The following LUZP2 variants were observed in gnomAD, a reference collection of about 807,000 sequenced individuals.
LUZP2 encodes leucine zipper protein 2.
Under a neutral mutation model 51.6 loss-of-function variants are expected in LUZP2, and 52 were observed. That is an observed-to-expected ratio of 1.01 (90% CI 0.81 to 1.27). The LOEUF (loss-of-function observed/expected upper bound fraction) is 1.27, where lower values mean the gene tolerates loss of function less well. LUZP2 is among the 50% of genes most tolerant of loss of function. The pLI is 0.00. For missense variants in LUZP2, 436 were observed against 395.4 expected (o/e 1.10, Z -0.87); for synonymous variants, 154 against 137.3 (o/e 1.12, Z -0.85).
intron 9 of LUZP2, among the ~76,000 whole-genome samples, chr11:25,033,302 C>CA (rs2133994509): frequency 6.6e-6 from 1 of 152,232 alleles, no homozygotes; most frequent in East Asian, 1.9e-4. Flanking sequence ...ATTCGCAGTC[C>CA]AGCTAGGTGC....
intron 1 of LUZP2, among the ~76,000 whole-genome samples, chr11:24,588,033 G>C (rs566284864): frequency 6.6e-6 from 1 of 152,072 alleles, no homozygotes; most frequent in South Asian, 2.1e-4. Flanking sequence ...CTTGAGTATG[G>C]GAAGATAGAA....
chr11:24,772,490 AT>A (rs1012374412), intron 5 of LUZP2, among the ~76,000 whole-genome samples: 1 of 152,120 alleles, frequency 6.6e-6, no homozygotes, highest in Non-Finnish European at 1.5e-5. Context: ...ATATTTAATT[AT>A]AACTTTCTTT....
chr11:25,034,688 C>T (rs562071736), intron 9 of LUZP2, among the ~76,000 whole-genome samples: 1 of 152,238 alleles, frequency 6.6e-6, no homozygotes, highest in South Asian at 2.1e-4. Context: ...GTCCTTCCCC[C>T]ATTGAAAGTT....
intron 5 of LUZP2, among the ~76,000 whole-genome samples, chr11:24,900,238 G>A (rs185287693): frequency 1.1e-4 from 16 of 152,232 alleles, no homozygotes; most frequent in African/African-American, 2.9e-4. Flanking sequence ...AGCTTTATAA[G>A]GTTGGTCTAA....
chr11:24,755,990 G>A (rs572306206), intron 4 of LUZP2, among the ~76,000 whole-genome samples: 2 of 152,148 alleles, frequency 1.3e-5, no homozygotes, highest in East Asian at 3.9e-4. Flanking sequence ...GATAAGAGAC[G>A]TTTGCCATCT....
intron 4 of LUZP2, among the ~76,000 whole-genome samples, chr11:24,743,967 G>A (rs970274991): frequency 6.6e-6 from 1 of 152,084 alleles, no homozygotes; most frequent in Non-Finnish European, 1.5e-5. Context: ...CATCTGTTGA[G>A]ACGATCATGG....
At chr11:24,787,776 T>G (rs1407651922) in intron 5 of LUZP2, among the ~76,000 whole-genome samples, 1 of 152,180 alleles carries the variant, frequency 6.6e-6, no homozygotes, top group East Asian at 1.9e-4. Flanking sequence ...CAAAGCTAGG[T>G]CATCAATGCA....
rs187281896 is a variant in LUZP2, at chr11:24,630,218, G to A, written c.63-98951G>A. Among the ~76,000 whole-genome samples, 406 of 151,784 alleles carry A rather than the reference G, an allele frequency of 2.7e-3. 3 individuals are homozygous for A. The highest frequency in any genetic ancestry group is 9.0e-3 in the African/African-American group (374 of 41,450). On this transcript the variant is annotated intron_variant, in intron 1 of 11. Transcript: ENST00000336930. ...AATTAAGTCTCACTTATCTATTTTT[G>A]TTTTTGTTGTTTGTGCTTTTCAGGT...
rs553168933 is a variant in LUZP2, at chr11:24,664,886, C to T, written c.63-64283C>T. On this transcript the variant is annotated intron_variant, in intron 1 of 11. Coordinates refer to ENST00000336930, the MANE Select transcript of LUZP2 (RefSeq NM_001009909.4). ...CCCTCAAGGAGAACCTCTAGTAGGG[C>T]AGTGCAGAAGGGAAATATGGGGTTG... 3.4e-3 allele frequency among the ~76,000 whole-genome samples: 525 copies of T among 152,224 alleles called. 3 individuals carry two copies. Among genetic ancestry groups the T allele is most frequent in the African/African-American group, 0.012 (494 of 41,536 alleles).
chr11:24,796,769 T>C (rs1849559485), intron 5 of LUZP2, among the ~76,000 whole-genome samples: 1 of 152,118 alleles, frequency 6.6e-6, no homozygotes, highest in South Asian at 2.1e-4. Flanking sequence ...ATGATTTAGA[T>C]ACTACACAAG....
intron 5 of LUZP2, among the ~76,000 whole-genome samples, chr11:24,870,462 C>T (rs1040281962): frequency 7.6e-6 from 1 of 132,140 alleles, no homozygotes; most frequent in African/African-American, 2.9e-5. Context: ...TATGAGCACA[C>T]CAGTTCCTAC....
At chr11:24,693,319 C>G (rs1177589030) in intron 1 of LUZP2, among the ~76,000 whole-genome samples, 1 of 151,384 alleles carries the variant, frequency 6.6e-6, no homozygotes, top group Non-Finnish European at 1.5e-5. Context: ...TAATACATCA[C>G]AGAGGCAGCT....
intron 1 of LUZP2, among the ~76,000 whole-genome samples, chr11:24,525,034 T>A (rs1850755974): frequency 6.6e-6 from 1 of 151,610 alleles, no homozygotes; most frequent in Admixed American, 6.6e-5. Context: ...ACTAATGGAT[T>A]TCTTTTTCTT....
chr11:24,891,758 C>T, intron 5 of LUZP2: 4 of 921,908 alleles, frequency 4.3e-6, no homozygotes, highest in Non-Finnish European at 5.2e-6. Context: ...CCCCAGATAA[C>T]TTTTTGGAGT....
chr11:24,619,473 A>T (rs1225745476), intron 1 of LUZP2, among the ~76,000 whole-genome samples: 2 of 152,174 alleles, frequency 1.3e-5, no homozygotes, highest in Non-Finnish European at 2.9e-5. Context: ...CTTGAAAGAC[A>T]CTGGCACATT....
chr11:24,633,847 A>G (rs557847263), intron 1 of LUZP2, among the ~76,000 whole-genome samples: 2 of 152,048 alleles, frequency 1.3e-5, no homozygotes, highest in South Asian at 2.1e-4. Flanking sequence ...AAAGATATAC[A>G]TTAATTACAT....
At chr11:25,004,966 C>A (rs1301476852) in intron 9 of LUZP2, among the ~76,000 whole-genome samples, 1 of 152,202 alleles carries the variant, frequency 6.6e-6, no homozygotes. Context: ...AAGAGCATGA[C>A]ATCTCTCCAA....
chr11:25,062,616 AAG>A (rs1351861714), intron 10 of LUZP2, among the ~76,000 whole-genome samples: 28 of 146,970 alleles, frequency 1.9e-4, no homozygotes, highest in Non-Finnish European at 3.8e-4. Flanking sequence ...AAAAAAAAGA[AAG>A]GAAAGGAAAC....
intron 1 of LUZP2, among the ~76,000 whole-genome samples, chr11:24,505,719 G>A (rs1422250855): frequency 6.6e-6 from 1 of 151,806 alleles, no homozygotes; most frequent in Non-Finnish European, 1.5e-5. Context: ...TTTCCTTCAA[G>A]AACATGCAGA....
Sources: allele counts gnomAD v4.1 joint callset (sites outside exome capture counted in the v4.1 genomes callset), GRCh38; gene constraint gnomAD v4.1.1; transcripts MANE v1.5; gene names NCBI Gene and HGNC (gene_info 2026-07-23, HGNC 2026-07-21).